The following NHSL1 variants were observed in gnomAD, a reference collection of about 807,000 sequenced individuals.
NHSL1 encodes NHS like 1, also known as NHS-like protein 1.
NHSL1 carries 48 observed loss-of-function variants against 95.0 expected under a neutral mutation model. That is an observed-to-expected ratio of 0.51 (90% CI 0.40 to 0.64). The LOEUF is 0.64. Ranked by LOEUF, NHSL1 falls within the 30% of genes least tolerant of loss-of-function variation. The pLI is 0.00. For synonymous variants in NHSL1, 783 were observed against 833.9 expected (o/e 0.94, Z 1.05); for missense variants, 1,971 against 2,077.7 (o/e 0.95, Z 1.00).
chr6:138,624,496 A>G (rs1784709755), intron 1 of NHSL1, among the ~76,000 whole-genome samples: 1 of 152,192 alleles, frequency 6.6e-6, no homozygotes, highest in African/African-American at 2.4e-5. Context: ...AGAATAATTC[A>G]TTCACGTATA....
Position 138,431,520 on chromosome 6 carries a change from C to T in NHSL1, c.2825G>A (p.Cys942Tyr). 1 of 1,550,524 alleles carries T rather than the reference C, an allele frequency of 6.4e-7. No homozygotes were observed. Among genetic ancestry groups the T allele is most frequent in the Non-Finnish European group, 8.7e-7 (1 of 1,146,548 alleles). ...PPPVPSPPFP[C>Y]PADRSPFLPP... is the part of the protein sequence containing the mutation. ...AAGGAAAGGAGACCTGTCTGCAGGACAAGGGAATGGAGGAGAGGGAACAGG... is the reference window on the plus strand; with the variant it reads ...AAGGAAAGGAGACCTGTCTGCAGGATAAGGGAATGGAGGAGAGGGAACAGG... The change falls in exon 6 of 8, where the codon TGT (cysteine) becomes TAT (tyrosine). Residue 942 changes from cysteine to tyrosine, a missense_variant. By Grantham distance (194) the Cys-to-Tyr change is radical (BLOSUM62 -2). Transcript: ENST00000343505. The surrounding 1 kb of genome is among the most constrained non-coding windows in gnomAD (Gnocchi z 4.0).
chr6:138,577,563 C>G (rs1220620544), intron 1 of NHSL1, among the ~76,000 whole-genome samples: 2 of 152,126 alleles, frequency 1.3e-5, no homozygotes, highest in Non-Finnish European at 2.9e-5. Flanking sequence ...CCACATAGAG[C>G]ACAGAAGAGG....
chr6:138,528,235 C>T (rs769914428), intron 1 of NHSL1, among the ~76,000 whole-genome samples: 16 of 152,008 alleles, frequency 1.1e-4, no homozygotes, highest in Non-Finnish European at 2.2e-4. Flanking sequence ...ATTCCTAATA[C>T]TCAGGGAATA....
chr6:138,443,263 T>G (rs1160290737), intron 4 of NHSL1, among the ~76,000 whole-genome samples: 1 of 152,144 alleles, frequency 6.6e-6, no homozygotes, highest in East Asian at 1.9e-4. Context: ...CAAAACACAT[T>G]TCCCCTACTG....
At chr6:138,605,349 C>G (rs1431728128) in intron 1 of NHSL1, among the ~76,000 whole-genome samples, 1 of 152,216 alleles carries the variant, frequency 6.6e-6, no homozygotes, top group Non-Finnish European at 1.5e-5. Context: ...CCTCAGCCTC[C>G]CGGGTGGCCA....
At chr6:138,605,322 C>A (rs1348002608) in intron 1 of NHSL1, among the ~76,000 whole-genome samples, 2 of 152,304 alleles carry the variant, frequency 1.3e-5, no homozygotes, top group African/African-American at 2.4e-5. Flanking sequence ...ACCTCCTGGG[C>A]TCAAGCAATC....
At chr6:138,454,184 T>C (rs1777425201) in intron 3 of NHSL1, among the ~76,000 whole-genome samples, 1 of 140,128 alleles carries the variant, frequency 7.1e-6, no homozygotes, top group Admixed American at 7.2e-5. Flanking sequence ...CCTTGTTATA[T>C]GTGTGCGTGT....
intron 5 of NHSL1, among the ~76,000 whole-genome samples, chr6:138,436,099 A>G (rs1036311372): frequency 1.3e-5 from 2 of 152,154 alleles, no homozygotes; most frequent in Admixed American, 1.3e-4. Flanking sequence ...AGGTCAATTA[A>G]TAACCCTACA....
intron 1 of NHSL1, among the ~76,000 whole-genome samples, chr6:138,607,581 T>C (rs1160196667): frequency 2.6e-5 from 4 of 152,238 alleles, no homozygotes; most frequent in Non-Finnish European, 5.9e-5. Flanking sequence ...GATTTTTTTC[T>C]TCAGCATACA....
chr6:138,509,478 A>AT (rs1781119523), intron 1 of NHSL1, among the ~76,000 whole-genome samples: 2 of 152,214 alleles, frequency 1.3e-5, no homozygotes, highest in Admixed American at 6.5e-5. Flanking sequence ...CTCGAAAGGG[A>AT]TTTTTTAACG....
At chr6:138,613,493 T>C (rs1428265665) in intron 1 of NHSL1, among the ~76,000 whole-genome samples, 1 of 152,150 alleles carries the variant, frequency 6.6e-6, no homozygotes, top group African/African-American at 2.4e-5. Flanking sequence ...GGGAATGGAA[T>C]GCCAGTAAAA....
upstream of NHSL1, among the ~76,000 whole-genome samples, chr6:138,550,108 G>T (rs191894397): frequency 6.6e-6 from 1 of 151,938 alleles, no homozygotes; most frequent in African/African-American, 2.4e-5. Flanking sequence ...GTGTGGTGTC[G>T]TACACCTGTA....
chr6:138,437,437 C>CAAAA (rs1562270847), intron 5 of NHSL1, among the ~76,000 whole-genome samples: 4 of 37,346 alleles, frequency 1.1e-4, no homozygotes, highest in East Asian at 8.1e-4. Context: ...CACACACACA[C>CAAAA]ACACACACAA....
chr6:138,449,354 A>C (rs1472313488), intron 3 of NHSL1, among the ~76,000 whole-genome samples: 1 of 152,080 alleles, frequency 6.6e-6, no homozygotes, highest in Non-Finnish European at 1.5e-5. Context: ...ATAAGATGAT[A>C]AATGTTAAAG....
chr6:138,616,549 C>G (rs555776881), intron 1 of NHSL1, among the ~76,000 whole-genome samples: 1 of 151,508 alleles, frequency 6.6e-6, no homozygotes, highest in Admixed American at 6.6e-5. Context: ...AGAGAGAGAG[C>G]AAGTGAGCAA....
intron 1 of NHSL1, among the ~76,000 whole-genome samples, chr6:138,651,834 A>T (rs1278413707): frequency 6.6e-6 from 1 of 152,254 alleles, no homozygotes; most frequent in African/African-American, 2.4e-5. Context: ...AATGAGATCA[A>T]TAGAAAATAC....
At chr6:138,625,627 T>A (rs1285953875) in intron 1 of NHSL1, among the ~76,000 whole-genome samples, 4 of 140,638 alleles carry the variant, frequency 2.8e-5, no homozygotes, top group Non-Finnish European at 4.5e-5. Context: ...TACTTGTTTT[T>A]GTGCTTTTTT....
chr6:138,579,869 G>C (rs1042965743), intron 1 of NHSL1, among the ~76,000 whole-genome samples: 31 of 152,098 alleles, frequency 2.0e-4, no homozygotes, highest in African/African-American at 7.0e-4. Context: ...GCTCTATAGT[G>C]CTTACACCGA....
At chr6:138,597,478 C>T (rs1294248844) in intron 1 of NHSL1, among the ~76,000 whole-genome samples, 2 of 152,214 alleles carry the variant, frequency 1.3e-5, no homozygotes, top group East Asian at 3.8e-4. Context: ...AATCAAACAT[C>T]ACCATACACG....
Sources: gnomAD v4.1 joint callset for allele counts (sites outside exome capture counted in the v4.1 genomes callset) on GRCh38, gnomAD v4.1.1 for gene constraint, Gnocchi (gnomAD v3.1) non-coding constraint, MANE v1.5 for transcripts, NCBI Gene and HGNC (gene_info 2026-07-23, HGNC 2026-07-21) for gene names.